ASAP1: variants seen among roughly 807,000 people sequenced by gnomAD.
ASAP1 encodes ArfGAP with SH3 domain, ankyrin repeat and PH domain 1.
In ASAP1, 43 loss-of-function variants were observed where a neutral mutation model predicts 145.2. That is an observed-to-expected ratio of 0.30 (90% CI 0.23 to 0.38). The LOEUF (loss-of-function observed/expected upper bound fraction) is 0.38, where lower values mean the gene tolerates loss of function less well. ASAP1 is among the 10% of genes least tolerant of loss of function. ASAP1 has a pLI of 1.00. For synonymous variants in ASAP1, 546 were observed against 515.5 expected (o/e 1.06, Z -0.80); for missense variants, 1,018 against 1,355.3 (o/e 0.75, Z 3.91).
At chr8:130,167,251 C>T (rs2097681772) in intron 11 of ASAP1, among the ~76,000 whole-genome samples, 1 of 148,842 alleles carries the variant, frequency 6.7e-6, no homozygotes. Flanking sequence ...ATAAGTGTGC[C>T]TGCCGCCTCA....
chr8:130,426,428 G>A (rs1829920526), intron 1 of ASAP1, among the ~76,000 whole-genome samples: 1 of 151,414 alleles, frequency 6.6e-6, no homozygotes, highest in African/African-American at 2.4e-5. Flanking sequence ...AAAAAAAAGG[G>A]TAAGCCAAGC....
chr8:130,177,547 A>G (rs1814047563), intron 9 of ASAP1, among the ~76,000 whole-genome samples: 1 of 152,238 alleles, frequency 6.6e-6, no homozygotes, highest in African/African-American at 2.4e-5. Context: ...CCAAAGTTTC[A>G]TAACTGCCCA....
At chr8:130,075,241 C>T (rs1238047502) in intron 27 of ASAP1, among the ~76,000 whole-genome samples, 1 of 152,154 alleles carries the variant, frequency 6.6e-6, no homozygotes, top group Non-Finnish European at 1.5e-5. Context: ...AAAACCAACC[C>T]TAGATAAAGA....
intron 1 of ASAP1, among the ~76,000 whole-genome samples, chr8:130,419,888 A>T (rs1284801649): frequency 1.3e-5 from 2 of 151,348 alleles, no homozygotes; most frequent in Non-Finnish European, 2.9e-5. Flanking sequence ...AACTAGGCAC[A>T]CACAGGAGCC....
At position 130,101,732 on chromosome 8, in the gene ASAP1, A is replaced by ATTTT. The variant is rs59778799; in HGVS notation, c.2402-9593_2402-9590dup. ...AGGCATGTGCTACCACACCTGGTTAATTTTTTTTTTTTTTTTTTTTGCAGA... is the reference window on the plus strand; with the variant it reads ...AGGCATGTGCTACCACACCTGGTTAATTTTTTTTTTTTTTTTTTTTTTTTGCAGA... On this transcript the variant is annotated intron_variant, in intron 24 of 29. Coordinates refer to ENST00000518721, the MANE Select transcript of ASAP1 (RefSeq NM_018482.4). Among the ~76,000 whole-genome samples, 33 of 86,922 alleles carry ATTTT rather than the reference A, an allele frequency of 3.8e-4. 6 individuals carry two copies. The highest frequency in any genetic ancestry group is 1.1e-3 in the African/African-American group (19 of 18,090). The allele number at this position is 86,922 out of a possible 152,430, so 57.0% of individuals were successfully genotyped here. A position where few individuals can be genotyped will look rare whatever the true frequency, so the allele number is the denominator to read the frequency against.
intron 3 of ASAP1, among the ~76,000 whole-genome samples, chr8:130,341,488 A>G (rs11779014): frequency 0.81 from 123,036 of 152,148 alleles, 50,273 homozygotes; most frequent in African/African-American, 0.91. Flanking sequence ...CCTGGGACAG[A>G]AAACTGCTGA....
intron 3 of ASAP1, among the ~76,000 whole-genome samples, chr8:130,337,770 C>A (rs201166603): frequency 6.6e-6 from 1 of 152,166 alleles, no homozygotes; most frequent in East Asian, 1.9e-4. Flanking sequence ...TGAAATCTCA[C>A]CCATCCACCA....
chr8:130,220,404 T>C (rs1217772953), intron 4 of ASAP1, among the ~76,000 whole-genome samples: 3 of 152,218 alleles, frequency 2.0e-5, no homozygotes, highest in East Asian at 3.8e-4. Context: ...AGATAAGTAC[T>C]ATTACCATCC....
chr8:130,401,952 C>A lies in ASAP1; in HGVS notation c.-9G>T. On this transcript the variant is annotated 5_prime_UTR_variant, in exon 2 of 30. Transcript: ENST00000518721. ...GAGGCTGAAGATCTCATGTCTCAGC[C>A]GTCACATCAGAAAACGACCTGGATA... 9 of 1,612,914 alleles carry A rather than the reference C, an allele frequency of 5.6e-6. No individual in the cohort carries two copies. The highest frequency in any genetic ancestry group is 7.6e-6 in the Non-Finnish European group (9 of 1,179,742).
At position 130,112,151 on chromosome 8, in the gene ASAP1, A is replaced by T. The variant is rs1445964414; in HGVS notation, c.2344T>A (p.Ser782Thr). The T allele has an allele frequency of 7.4e-6, 12 of 1,613,972 alleles. No individual in the cohort carries two copies. The highest frequency in any genetic ancestry group is 1.3e-5 in the African/African-American group (1 of 74,892). Residue 782 changes from serine (S) to threonine (T), a missense_variant, in exon 24 of 30, where the codon TCG (serine) becomes ACG (threonine). Around this residue, in one of 9 missense-constraint regions of ASAP1, gnomAD observed 353 missense variants for 375.4 expected, o/e 0.94. Coordinates refer to ENST00000518721, the MANE Select transcript of ASAP1 (RefSeq NM_018482.4). ...GCCTCCGTGGTTGGTGATGTGGGCG[A>T]GTCTGTGCTTGTGGAAACGAAGATC... ...NQIFVSTSTD[S>T]PTSPTTEAPP...
At chr8:130,400,708 G>A (rs1205225881) in intron 2 of ASAP1, among the ~76,000 whole-genome samples, 2 of 151,202 alleles carry the variant, frequency 1.3e-5, no homozygotes, top group Admixed American at 6.6e-5. Context: ...GGAGAATGGC[G>A]TGAAGCCGGG....
intron 24 of ASAP1, among the ~76,000 whole-genome samples, chr8:130,105,382 T>C (rs537683062): frequency 6.6e-6 from 1 of 152,348 alleles, no homozygotes; most frequent in African/African-American, 2.4e-5. Context: ...TGAGCATTCC[T>C]GGAGTTTTGG....
At chr8:130,438,450 T>C (rs1830388480) in intron 1 of ASAP1, among the ~76,000 whole-genome samples, 1 of 152,092 alleles carries the variant, frequency 6.6e-6, no homozygotes, top group Non-Finnish European at 1.5e-5. Flanking sequence ...TGGCTGCAGC[T>C]TTGGAACAAG....
Position 130,167,556 on chromosome 8 carries a change from G to C in ASAP1, c.889C>G (p.Leu297Val). 1.2e-6 allele frequency: 2 copies of C among 1,613,780 alleles called. No individual in the cohort carries two copies. The highest frequency in any genetic ancestry group is 1.1e-5 in the South Asian group (1 of 91,068). ...TALRDLIKSS[L>V]QLDQKEDSQS... ...CTTACTTCTTTCTGATCCAGTTGAA[G>C]AGAGGATTTTATTAAGTCTCGGAGT... The change falls in exon 11 of 30, where the codon CTT (leucine) becomes GTT (valine). Residue 297 changes from leucine to valine, a missense_variant. Transcript: ENST00000518721.
chr8:130,393,730 TG>T (rs1457362879), intron 2 of ASAP1, among the ~76,000 whole-genome samples: 1 of 152,182 alleles, frequency 6.6e-6, no homozygotes, highest in African/African-American at 2.4e-5. Flanking sequence ...CACTCCAGAC[TG>T]GGTGACAGAG....
intron 3 of ASAP1, among the ~76,000 whole-genome samples, chr8:130,322,514 G>A (rs1306282629): frequency 6.6e-6 from 1 of 152,156 alleles, no homozygotes; most frequent in East Asian, 1.9e-4. Context: ...GCTGCAGATG[G>A]CACATATATC....
chr8:130,054,542 C>T lies in ASAP1; in HGVS notation c.*189G>A. The T allele has an allele frequency of 1.9e-6, 1 of 532,818 alleles. No homozygotes were observed. Among genetic ancestry groups the T allele is most frequent in the Non-Finnish European group, 3.4e-6 (1 of 290,044 alleles). The allele number at this position is 532,818 out of a possible 1,614,324, so 33.0% of individuals were successfully genotyped here. On this transcript the variant is annotated 3_prime_UTR_variant, in exon 30 of 30. Coordinates refer to ENST00000518721, the MANE Select transcript of ASAP1 (RefSeq NM_018482.4). ...CCAGTAAGGCGCGCCGGGTCCGAGG[C>T]TACCCTCATACTGGTGAAGGCAGAA...
At chr8:130,434,369 T>C (rs1830235765) in intron 1 of ASAP1, among the ~76,000 whole-genome samples, 1 of 152,222 alleles carries the variant, frequency 6.6e-6, no homozygotes, top group Non-Finnish European at 1.5e-5. Context: ...ACTTACTAAC[T>C]ATATGACCTC....
intron 1 of ASAP1, among the ~76,000 whole-genome samples, chr8:130,430,749 G>A (rs540525901): frequency 6.6e-6 from 1 of 152,298 alleles, no homozygotes; most frequent in East Asian, 1.9e-4. Flanking sequence ...CTGGGAAGGT[G>A]TATTCAGAAT....
Sources: allele counts gnomAD v4.1 joint callset (sites outside exome capture counted in the v4.1 genomes callset), GRCh38; gene constraint gnomAD v4.1.1; regional missense constraint gnomAD v4.1.1; transcripts MANE v1.5; gene names NCBI Gene and HGNC (gene_info 2026-07-23, HGNC 2026-07-21).